Variants in GANAB observed in about 807,000 individuals in gnomAD.
The protein encoded by GANAB is glucosidase II alpha subunit.
Under a neutral mutation model 129.9 loss-of-function variants are expected in GANAB, and 35 were observed. The ratio of observed to expected loss-of-function variants is 0.27; its 90% confidence interval spans 0.21 to 0.36. The LOEUF (loss-of-function observed/expected upper bound fraction) is 0.36, where lower values mean the gene tolerates loss of function less well. GANAB is among the 10% of genes least tolerant of loss of function. GANAB has a pLI of 1.00. For synonymous variants in GANAB, 482 were observed against 451.8 expected (o/e 1.07, Z -0.85); for missense variants, 939 against 1,221.0 (o/e 0.77, Z 3.44).
intron 15 of GANAB, 56 bp downstream of exon 15, chr11:62,629,531 GC>G: frequency 8.6e-7 from 1 of 1,158,182 alleles, no homozygotes; most frequent in African/African-American, 1.5e-5. Context: ...CAGGTCCATG[GC>G]TCCTGAGATC....
At position 62,638,994 on chromosome 11, in the gene GANAB, T is replaced by C. The variant is rs1944093802; in HGVS notation, c.369A>G (p.Pro123=). 1.2e-6 allele frequency: 2 copies of C among 1,613,710 alleles called. No individual in the cohort carries two copies. Among genetic ancestry groups the C allele is most frequent in the Non-Finnish European group, 1.7e-6 (2 of 1,179,892 alleles). The stretch of plus-strand genomic sequence containing the variant: ...CAGGAAAAATTTACCGGGCTATTGG[T>C]GGATCAGCCACCAAAACATCTGGTA... ...YRVPDVLVAD[P]PIARLSVSGR... is the part of the protein sequence containing the mutation. Residue 123 remains proline, a synonymous_variant, in exon 4 of 24, where the codon CCA becomes CCG. Transcript: ENST00000356638.
Position 62,627,082 on chromosome 11 carries a change from T to A in GANAB, c.2288A>T (p.His763Leu). The A allele has an allele frequency of 6.2e-7, 1 of 1,614,024 alleles. No homozygotes were observed. Among genetic ancestry groups the A allele is most frequent in the Non-Finnish European group, 8.5e-7 (1 of 1,179,890 alleles). Residue 763 changes from histidine (H) to leucine (L), a missense_variant, in exon 19 of 24, where the codon CAT (histidine) becomes CTT (leucine). By Grantham distance (99) the His-to-Leu change is moderately conservative. Coordinates refer to ENST00000356638, the MANE Select transcript of GANAB (RefSeq NM_198334.3). ...LVHPVSDSGAHGVQVYLPGQG... is the reference protein window; with the variant it reads ...LVHPVSDSGALGVQVYLPGQG... ...GCCAGGCAGATAGACCTGGACACCA[T>A]GGGCTCCAGAGTCTGATACAGGGTG...
chr11:62,636,986 A>C (rs1013299741), intron 4 of GANAB, among the ~76,000 whole-genome samples: 4 of 152,028 alleles, frequency 2.6e-5, no homozygotes, highest in Admixed American at 6.6e-5. Flanking sequence ...TAAATACAAC[A>C]AACAAAAGGC....
chr11:62,629,676 C>T lies in GANAB; in HGVS notation c.1746G>A (p.Ala582=), dbSNP rs768271485. ...HNIYGLYVHM[A]TADGLRQRSG... is the part of the protein sequence containing the mutation. ...AGCGCTGTCTCAGCCCATCAGCAGT[C>T]GCCATGTGCTGGGTGAGGAGAGAAG... The change falls in exon 15 of 24, where the codon GCG becomes GCA. Residue 582 remains alanine, a synonymous_variant. Transcript: ENST00000356638. The T allele has an allele frequency of 1.2e-6, 2 of 1,612,936 alleles. No homozygotes were observed. The highest frequency in any genetic ancestry group is 1.7e-5 in the Admixed American group (1 of 59,938).
chr11:62,644,790 T>C (rs1354141829), intron 1 of GANAB, among the ~76,000 whole-genome samples: 1 of 152,032 alleles, frequency 6.6e-6, no homozygotes, highest in East Asian at 1.9e-4. Context: ...ACCCCTGCAC[T>C]CCATCCTAGG....
intron 5 of GANAB, chr11:62,633,966 G>A (rs867833392): frequency 8.8e-5 from 31 of 352,928 alleles, no homozygotes; most frequent in Non-Finnish European, 1.5e-4. Flanking sequence ...GGGACTTCAA[G>A]AGATTCTGCC....
In GANAB at chr11:62,635,009, C is replaced by T. The variant is rs200744186; in HGVS notation, c.381-9G>A. 6.2e-7 allele frequency: 1 copy of T among 1,602,958 alleles called. No homozygotes were observed. The highest frequency in any genetic ancestry group is 8.5e-7 in the Non-Finnish European group (1 of 1,171,188). ...GACCAGAGACAGAAAGCCTGGGAAA[C>T]ATATCAAAAGAAATATAAGGAAGTA... On this transcript the variant is annotated splice_polypyrimidine_tract_variant and intron_variant, in intron 4 of 23. Transcript: ENST00000356638.
Position 62,625,602 on chromosome 11 carries a change from G to A in GANAB, c.*213C>T, listed in dbSNP as rs1943330798. ...GATGTTGGGGGAATGAAGGGAAAGA[G>A]TTGGTATCAATGGAGTGGGAGAGGT... On this transcript the variant is annotated 3_prime_UTR_variant, in exon 24 of 24. Coordinates refer to ENST00000356638, the MANE Select transcript of GANAB (RefSeq NM_198334.3). 3.4e-6 allele frequency: 2 copies of A among 581,022 alleles called. No homozygotes were observed. The highest frequency in any genetic ancestry group is 3.0e-5 in the Admixed American group (1 of 33,616). The allele number at this position is 581,022 out of a possible 1,614,324, so 36.0% of individuals were successfully genotyped here.
At position 62,633,561 on chromosome 11, in the gene GANAB, C is replaced by T. The variant is rs756718279; in HGVS notation, c.561-47G>A. On this transcript the variant is annotated intron_variant, in intron 5 of 23. Coordinates refer to ENST00000356638, the MANE Select transcript of GANAB (RefSeq NM_198334.3). ...TGCTCCAATCCAGAGGGGGCAGGGA[C>T]GAGGGGCTAGTGGAAGGAGGGGTTG... The T allele has an allele frequency of 2.5e-5, 39 of 1,540,022 alleles. No homozygotes were observed. In the African/African-American group the frequency reaches 3.3e-4, roughly 13 times the overall value.
At chr11:62,629,556 C>A in intron 15 of GANAB, 32 bp downstream of exon 15, 1 of 1,451,374 alleles carries the variant, frequency 6.9e-7, no homozygotes, top group South Asian at 1.3e-5. Flanking sequence ...CCTTCACACC[C>A]TTCTGCCACA....
At chr11:62,631,334 G>A (rs1247664263) in intron 9 of GANAB, 151 bp from the exon 10 acceptor site, 4 of 637,178 alleles carry the variant, frequency 6.3e-6, no homozygotes, top group Non-Finnish European at 1.1e-5. Context: ...CTTCAGTGAG[G>A]CTTTCCTAGA....
At chr11:62,630,344 C>G in intron 12 of GANAB, 35 bp downstream of exon 12, 1 of 1,613,998 alleles carries the variant, frequency 6.2e-7, no homozygotes, top group Middle Eastern at 1.7e-4. Flanking sequence ...ACCCCGCTGG[C>G]CAATCAACTC....
chr11:62,633,929 T>C (rs1943813348), intron 5 of GANAB: 1 of 370,370 alleles, frequency 2.7e-6, no homozygotes, highest in African/African-American at 2.0e-5. Flanking sequence ...TGGGTCATAC[T>C]ATACCAAGCC....
intron 5 of GANAB, chr11:62,634,494 C>A (rs536330363): frequency 1.2e-4 from 85 of 690,356 alleles, no homozygotes; most frequent in African/African-American, 2.9e-4. Flanking sequence ...AAAAAGAAAC[C>A]AAAAAAAATA....
chr11:62,639,449 C>A lies in GANAB; in HGVS notation c.162G>T (p.Arg54=). 6.2e-7 allele frequency: 1 copy of A among 1,613,194 alleles called. No homozygotes were observed. The highest frequency in any genetic ancestry group is 1.1e-5 in the South Asian group (1 of 91,052). The change falls in exon 3 of 24, where the codon CGG becomes CGT. Residue 54 remains arginine (R), a synonymous_variant. Transcript: ENST00000356638. ...AGGCTCGGTATGGAGAGAGGCCTGG[C>A]CGTATGCTTCTCTGTCGCCTGCCAA... The part of the protein sequence containing the change: ...SSFCKRQRSI[R]PGLSPYRALL...
rs1252989472 is a variant in GANAB, at chr11:62,627,065, G to C, written c.2305C>G (p.Leu769Val). Residue 769 changes from leucine to valine, a missense_variant, in exon 19 of 24, where the codon CTG becomes GTG. By Grantham distance (32) the Leu-to-Val change is conservative (BLOSUM62 1). Transcript: ENST00000356638. ...DSGAHGVQVY[L>V]PGQGEVWYDI... ...TAACTCACCTCCCCTTGGCCAGGCA[G>C]ATAGACCTGGACACCATGGGCTCCA... is the stretch of plus-strand genomic sequence containing the variant. 1 of 1,613,408 alleles carries C rather than the reference G, an allele frequency of 6.2e-7. No individual in the cohort carries two copies. The highest frequency in any genetic ancestry group is 8.5e-7 in the Non-Finnish European group (1 of 1,179,346).
rs1285713896 is a variant in GANAB at position 62,646,571 on chromosome 11, C to T, written c.29G>A (p.Arg10His). 2.5e-6 allele frequency: 4 copies of T among 1,613,558 alleles called. No homozygotes were observed. Among genetic ancestry groups the T allele is most frequent in the East Asian group, 2.2e-5 (1 of 44,868 alleles). MAAVAAVAA[R>H]RRRSWASLVL... ...ATTCCGGGCTCCTCACCGCCTCCTA[C>T]GCGCCGCCACTGCCGCTACCGCCGC... is the stretch of plus-strand genomic sequence containing the variant. The change falls in exon 1 of 24, where the codon CGT (arginine) becomes CAT (histidine). Residue 10 changes from arginine to histidine, a missense_variant. Physicochemically the swap from Arg to His is conservative, Grantham distance 29. Coordinates refer to ENST00000356638, the MANE Select transcript of GANAB (RefSeq NM_198334.3).
chr11:62,642,573 T>C (rs1294429217), intron 1 of GANAB, among the ~76,000 whole-genome samples: 1 of 152,048 alleles, frequency 6.6e-6, no homozygotes, highest in African/African-American at 2.4e-5. Context: ...CAGCTGGGAT[T>C]ACAGGTGCCC....
rs1033126561 is a variant in GANAB at position 62,639,110 on chromosome 11, C to T, written c.253G>A (p.Val85Met). The change falls in exon 4 of 24, where the codon GTG becomes ATG. Residue 85 changes from valine (V) to methionine (M), a missense_variant and splice_region_variant. Coordinates refer to ENST00000356638, the MANE Select transcript of GANAB (RefSeq NM_198334.3). ...CCCTGAAGCTCTAGCACCAGCAACA[C>T]CTGCGGGGACAGAGGTTTGGATCTG... ...TVHLIHEVTKVLLVLELQGLQ... is the reference protein window; with the variant it reads ...TVHLIHEVTKMLLVLELQGLQ... 10 of 1,613,616 alleles carry T rather than the reference C, an allele frequency of 6.2e-6. No homozygotes were observed. In the Admixed American group the frequency reaches 1.3e-4, roughly 22 times the overall value.
Sources: allele counts gnomAD v4.1 joint callset (sites outside exome capture counted in the v4.1 genomes callset), GRCh38; gene constraint gnomAD v4.1.1; transcripts MANE v1.5; gene names NCBI Gene and HGNC (gene_info 2026-07-23, HGNC 2026-07-21).